NPC1L1: variants seen among roughly 807,000 people sequenced by gnomAD.
NPC1L1 encodes the protein NPC1 like intracellular cholesterol transporter 1.
NPC1L1 carries 98 observed loss-of-function variants against 117.0 expected under a neutral mutation model. The ratio of observed to expected loss-of-function variants is 0.84; its 90% confidence interval spans 0.71 to 0.99. The LOEUF (loss-of-function observed/expected upper bound fraction) is 0.99, where lower values mean the gene tolerates loss of function less well. NPC1L1 is among the 50% of genes least tolerant of loss of function. The probability of loss-of-function intolerance (pLI) is 0.00; values close to 1 mark genes in which losing one functional copy is unlikely to be tolerated. For synonymous variants in NPC1L1, 729 were observed against 727.6 expected, an observed-to-expected ratio of 1.00 and a Z score of -0.03; for missense variants, 1,540 against 1,710.0, an observed-to-expected ratio of 0.90 and a Z score of 1.75.
chr7:44,525,718 A>T (rs1801493956), intron 10 of NPC1L1, among the ~76,000 whole-genome samples: 1 of 152,230 alleles, frequency 6.6e-6, no homozygotes, highest in Non-Finnish European at 1.5e-5. Flanking sequence ...AAAAAATAAA[A>T]ATAAAAAGTA....
At chr7:44,535,154 C>T (rs1025841250) in intron 5 of NPC1L1, among the ~76,000 whole-genome samples, 1 of 152,000 alleles carries the variant, frequency 6.6e-6, no homozygotes, top group Non-Finnish European at 1.5e-5. Flanking sequence ...TCACCTGAGG[C>T]CAGGAGTTCA....
At chr7:44,531,043 C>T (rs1563207020) in intron 10 of NPC1L1, among the ~76,000 whole-genome samples, 2 of 152,354 alleles carry the variant, frequency 1.3e-5, no homozygotes, top group East Asian at 3.9e-4. Flanking sequence ...TTCCCTCTCC[C>T]TAGAGCTTGC....
intron 2 of NPC1L1, among the ~76,000 whole-genome samples, chr7:44,537,986 C>T (rs1290900365): frequency 6.6e-6 from 1 of 152,254 alleles, no homozygotes; most frequent in Non-Finnish European, 1.5e-5. Context: ...CTCTTCCAAT[C>T]CAGTGGTTCT....
intron 10 of NPC1L1, among the ~76,000 whole-genome samples, chr7:44,525,000 G>A (rs568863852): frequency 6.6e-6 from 1 of 152,152 alleles, no homozygotes; most frequent in South Asian, 2.1e-4. Flanking sequence ...TGAAATTACT[G>A]AGTCTGAAGA....
rs1019489183 is a variant in NPC1L1 at position 44,517,264 on chromosome 7, G to T, written c.3230C>A (p.Thr1077Asn). Reference protein sequence around the residue: ...RAARELAANITADLRKVPGTD... With the variant: ...RAARELAANINADLRKVPGTD... Reference sequence around the variant, plus strand: ...TCCAGGCACTTTCCGCAGGTCAGCAGTGATGTTGGCTGCCAGCTCTCGAGC... The same window carrying T: ...TCCAGGCACTTTCCGCAGGTCAGCATTGATGTTGGCTGCCAGCTCTCGAGC... Residue 1077 changes from threonine (T) to asparagine (N), a missense_variant, in exon 15 of 19, where the codon ACT (threonine) becomes AAT (asparagine). By Grantham distance (65) the Thr-to-Asn change is moderately conservative. This residue lies in a region of NPC1L1 where 742 missense variants were observed against 873.6 expected (regional missense o/e 0.85). Transcript: ENST00000381160. 1.2e-6 allele frequency: 2 copies of T among 1,614,008 alleles called. No homozygotes were observed. Among genetic ancestry groups the T allele is most frequent in the Non-Finnish European group, 8.5e-7 (1 of 1,180,034 alleles).
intron 16 of NPC1L1, 123 bp downstream of exon 16, chr7:44,516,580 T>A: frequency 1.2e-6 from 1 of 847,542 alleles, no homozygotes; most frequent in Non-Finnish European, 1.9e-6. Context: ...CCCTCAAGCC[T>A]GAGCAACAGA....
intron 2 of NPC1L1, 117 bp from the exon 3 acceptor site, chr7:44,537,059 GT>G (rs1309764622): frequency 1.1e-4 from 86 of 790,362 alleles, no homozygotes; most frequent in Admixed American, 8.6e-4. Context: ...AGCTGGTGGG[GT>G]GGGGGACACT....
chr7:44,536,562 C>T lies in NPC1L1; in HGVS notation c.1682-134G>A. 2.0e-6 allele frequency: 2 copies of T among 1,013,780 alleles called. No individual in the cohort carries two copies. The highest frequency in any genetic ancestry group is 3.8e-5 in the Admixed American group (2 of 51,970). The allele number at this position is 1,013,780 out of a possible 1,614,324, so 62.8% of individuals were successfully genotyped here. ...CCTTGCTCCTTCTCCCCCACTCCTTCCTCATCTGATACATGGCCTTACCTC... is the reference window on the plus strand; with the variant it reads ...CCTTGCTCCTTCTCCCCCACTCCTTTCTCATCTGATACATGGCCTTACCTC... On this transcript the variant is annotated intron_variant, in intron 3 of 18. Transcript: ENST00000381160. This position sits in a 1 kb window ranked among gnomAD's most constrained non-coding sequence, Gnocchi z 4.7.
At position 44,536,853 on chromosome 7, in the gene NPC1L1, C is replaced by G. The variant is rs188093599; in HGVS notation, c.1670G>C (p.Gly557Ala). The G allele has an allele frequency of 4.3e-5, 69 of 1,613,902 alleles. No homozygotes were observed. Among genetic ancestry groups the G allele is most frequent in the Middle Eastern group, 1.6e-4 (1 of 6,062 alleles). ...CCCACTTAGCTTACCTTTGTACCCC[C>G]CAATGGCAAGGAAGGGGAAGACAGG... is the stretch of plus-strand genomic sequence containing the variant. ...GAPVFPFLAIGGYKGKDYSEA... is the reference protein window; with the variant it reads ...GAPVFPFLAIAGYKGKDYSEA... The change falls in exon 3 of 19, where the codon GGG becomes GCG. Residue 557 changes from glycine to alanine, a missense_variant. Coordinates refer to ENST00000381160, the MANE Select transcript of NPC1L1 (RefSeq NM_001101648.2). This position sits in a 1 kb window ranked among gnomAD's most constrained non-coding sequence, Gnocchi z 4.7.
chr7:44,540,380 C>T, intron 1 of NPC1L1, 38 bp from the exon 2 acceptor site: 1 of 1,584,664 alleles, frequency 6.3e-7, no homozygotes, highest in Non-Finnish European at 8.6e-7. Context: ...GGCCCTGACA[C>T]AGCTGGGTGC....
chr7:44,541,226 A>C lies in NPC1L1; in HGVS notation c.34T>G (p.Trp12Gly). Residue 12 changes from tryptophan to glycine, a missense_variant, in exon 1 of 19, where the codon TGG becomes GGG. Physicochemically the swap from Trp to Gly is radical, Grantham distance 184. Coordinates refer to ENST00000381160, the MANE Select transcript of NPC1L1 (RefSeq NM_001101648.2). ...AEAGLRGWLL[W>G]ALLLRLAQSE... The stretch of plus-strand genomic sequence containing the variant: ...CTCACCAAGCGCAGGAGCAGGGCCC[A>C]CAGCAGCCAGCCCCTCAGGCCGGCC... 1 of 1,549,932 alleles carries C rather than the reference A, an allele frequency of 6.5e-7. No individual in the cohort carries two copies. Among genetic ancestry groups the C allele is most frequent in the Non-Finnish European group, 8.7e-7 (1 of 1,146,810 alleles).
rs780857435 is a variant in NPC1L1, at chr7:44,539,282, A to G, written c.1115T>C (p.Phe372Ser). 3 of 1,614,046 alleles carry G rather than the reference A, an allele frequency of 1.9e-6. No individual in the cohort carries two copies. The highest frequency in any genetic ancestry group is 2.5e-6 in the Non-Finnish European group (3 of 1,180,022). Residue 372 changes from phenylalanine to serine, a missense_variant, in exon 2 of 19, where the codon TTT (phenylalanine) becomes TCT (serine). Phe to Ser is a radical substitution (Grantham distance 155). This residue lies in a region of NPC1L1 where 793 missense variants were observed against 820.4 expected (regional missense o/e 0.97). Transcript: ENST00000381160. The surrounding 1 kb of genome is among the most constrained non-coding windows in gnomAD (Gnocchi z 4.4). ...PVVALAAGLV[F>S]TELTTDPVEL... ...CACGGGGTCCGTAGTGAGTTCTGTAAAGACCAGGCCCGCTGCCAAGGCCAC... is the reference window on the plus strand; with the variant it reads ...CACGGGGTCCGTAGTGAGTTCTGTAGAGACCAGGCCCGCTGCCAAGGCCAC...
intron 14 of NPC1L1, among the ~76,000 whole-genome samples, chr7:44,517,923 CT>C (rs1801239367): frequency 6.6e-6 from 1 of 151,960 alleles, no homozygotes; most frequent in African/African-American, 2.4e-5. Flanking sequence ...CAAGACCAGC[CT>C]GCCCAACATG....
chr7:44,513,694 C>A, intron 18 of NPC1L1, 45 bp from the exon 19 acceptor site: 2 of 1,597,702 alleles, frequency 1.3e-6, no homozygotes, highest in Non-Finnish European at 1.7e-6. Context: ...GGGCAGGGGA[C>A]ACAGGTGAGA....
At chr7:44,513,682 G>A (rs1047075345) in intron 18 of NPC1L1, 33 bp from the exon 19 acceptor site, 26 of 1,605,916 alleles carry the variant, frequency 1.6e-5, no homozygotes, top group Non-Finnish European at 2.1e-5. Flanking sequence ...AGTCAGAGAG[G>A]TGGGCAGGGG....
At chr7:44,527,926 G>A (rs1801576229) in intron 10 of NPC1L1, among the ~76,000 whole-genome samples, 1 of 152,116 alleles carries the variant, frequency 6.6e-6, no homozygotes, top group Non-Finnish European at 1.5e-5. Context: ...CTAGATTCAA[G>A]CAATTCTCAT....
chr7:44,513,421 G>C lies in NPC1L1; in HGVS notation c.*26C>G, dbSNP rs1801096546. On this transcript the variant is annotated 3_prime_UTR_variant, in exon 19 of 19. Coordinates refer to ENST00000381160, the MANE Select transcript of NPC1L1 (RefSeq NM_001101648.2). ...CATAACCCTTTGGTTCAGGGCCATA[G>C]AGCCTAGACAGGGCCTCTGGCTGTA... 1.2e-6 allele frequency: 2 copies of C among 1,610,452 alleles called. No homozygotes were observed. The highest frequency in any genetic ancestry group is 2.2e-5 in the South Asian group (2 of 90,952).
chr7:44,535,704 A>AAGTGC lies in NPC1L1; in HGVS notation c.1983+135_1983+136insGCACT, dbSNP rs1801861587. ...GCACAGAACACTTGCAAGAGGTATTACCCTTTGGGGCAGCCACTTGGGTGT... is the reference window on the plus strand; with the variant it reads ...GCACAGAACACTTGCAAGAGGTATTAAGTGCCCCTTTGGGGCAGCCACTTGGGTGT... On this transcript the variant is annotated intron_variant, in intron 5 of 18. Coordinates refer to ENST00000381160, the MANE Select transcript of NPC1L1 (RefSeq NM_001101648.2). 2.6e-6 allele frequency: 3 copies of AAGTGC among 1,143,094 alleles called. No homozygotes were observed. In the African/African-American group the frequency reaches 4.6e-5, roughly 17 times the overall value. 70.8% of individuals were successfully genotyped at this position (1,143,094 alleles called of 1,614,324 possible). A position where few individuals can be genotyped will look rare whatever the true frequency, so the allele number is the denominator to read the frequency against.
rs1801962353 is a variant in NPC1L1 at position 44,538,311 on chromosome 7, G to T, written c.1580+506C>A. On this transcript the variant is annotated intron_variant, in intron 2 of 18. Transcript: ENST00000381160. This position sits in a 1 kb window ranked among gnomAD's most constrained non-coding sequence, Gnocchi z 5.9. Reference sequence around the variant, plus strand: ...ACCCCAATCAATAGAAGTGTGTGTGGCTGTGGCCTACCCCAGGACACCCGG... The same window carrying T: ...ACCCCAATCAATAGAAGTGTGTGTGTCTGTGGCCTACCCCAGGACACCCGG... Among the ~76,000 whole-genome samples, 1 of 152,230 alleles carries T rather than the reference G, an allele frequency of 6.6e-6. No homozygotes were observed. Among genetic ancestry groups the T allele is most frequent in the African/African-American group, 2.4e-5 (1 of 41,456 alleles).
Sources: allele counts gnomAD v4.1 joint callset (sites outside exome capture counted in the v4.1 genomes callset), GRCh38; gene constraint gnomAD v4.1.1; regional missense constraint gnomAD v4.1.1; non-coding constraint Gnocchi (gnomAD v3.1); transcripts MANE v1.5; gene names NCBI Gene and HGNC (gene_info 2026-07-23, HGNC 2026-07-21).